Variants in SAR1A observed in about 807,000 individuals in gnomAD.
SAR1A encodes the protein small COPII coat GTPase SAR1A.
Under a neutral mutation model 22.6 loss-of-function variants are expected in SAR1A, and 6 were observed. That is an observed-to-expected ratio of 0.27 (90% CI 0.15 to 0.52). The LOEUF (loss-of-function observed/expected upper bound fraction) is 0.52, where lower values mean the gene tolerates loss of function less well. Ranked by LOEUF, SAR1A falls within the 20% of genes least tolerant of loss-of-function variation. SAR1A has a pLI of 0.96. For synonymous variants in SAR1A, 70 were observed against 82.2 expected (o/e 0.85, Z 0.80); for missense variants, 145 against 245.1 (o/e 0.59, Z 2.73).
At position 70,148,772 on chromosome 10, in the gene SAR1A, AGAGT is replaced by A. The variant is rs1474514778; in HGVS notation, c.*3700_*3703del. ...ACCACTGCACTCCAGCCTGGGCGAC[AGAGT>A]GAGACCAACTCAAAAAACAAACAAA... On this transcript the variant is annotated 3_prime_UTR_variant, in exon 7 of 7. Coordinates refer to ENST00000373241, the MANE Select transcript of SAR1A (RefSeq NM_020150.5). The A allele has an allele frequency of 6.6e-6, 1 of 152,170 alleles. No individual in the cohort carries two copies. Among genetic ancestry groups the A allele is most frequent in the Non-Finnish European group, 1.4e-5 (1 of 69,236 alleles). 9.4% of individuals were successfully genotyped at this position (152,170 alleles called of 1,614,324 possible). A position where few individuals can be genotyped will look rare whatever the true frequency, so the allele number is the denominator to read the frequency against.
intron 4 of SAR1A, among the ~76,000 whole-genome samples, chr10:70,160,477 G>A (rs1839455216): frequency 6.6e-6 from 1 of 152,138 alleles, no homozygotes; most frequent in Non-Finnish European, 1.5e-5. Flanking sequence ...GTAGGGAGGA[G>A]GAGACTAACA....
Position 70,151,896 on chromosome 10 carries a change from C to G in SAR1A, c.*580G>C, listed in dbSNP as rs1206493723. 2 of 161,066 alleles carry G rather than the reference C, an allele frequency of 1.2e-5. No homozygotes were observed. Among genetic ancestry groups the G allele is most frequent in the Non-Finnish European group, 2.7e-5 (2 of 73,532 alleles). The allele number at this position is 161,066 out of a possible 1,614,324, so 10.0% of individuals were successfully genotyped here. A position where few individuals can be genotyped will look rare whatever the true frequency, so the allele number is the denominator to read the frequency against. ...TCTGTGCACAAGGTTATGCCACCTA[C>G]TCCAAGGCAGTCAGAGAGACAGGTG... is the stretch of plus-strand genomic sequence containing the variant. On this transcript the variant is annotated 3_prime_UTR_variant, in exon 7 of 7. Transcript: ENST00000373241.
intron 5 of SAR1A, among the ~76,000 whole-genome samples, chr10:70,154,639 T>A (rs928460963): frequency 3.9e-5 from 6 of 152,146 alleles, no homozygotes; most frequent in African/African-American, 1.4e-4. Context: ...TGTATTTTTT[T>A]AGTAGAGATG....
chr10:70,157,205 C>T (rs976245771), intron 5 of SAR1A, among the ~76,000 whole-genome samples: 1 of 152,046 alleles, frequency 6.6e-6, no homozygotes, highest in Non-Finnish European at 1.5e-5. Context: ...GAGATCAAGA[C>T]CAACCTGACT....
In SAR1A at chr10:70,161,039, G is replaced by C. The variant is rs1328154306; in HGVS notation, c.209C>G (p.Thr70Ser). 3.1e-6 allele frequency: 5 copies of C among 1,611,892 alleles called. No homozygotes were observed. The highest frequency in any genetic ancestry group is 4.2e-6 in the Non-Finnish European group (5 of 1,178,820). Residue 70 changes from threonine (T) to serine (S), a missense_variant, in exon 4 of 7, where the codon ACC (threonine) becomes AGC (serine). Coordinates refer to ENST00000373241, the MANE Select transcript of SAR1A (RefSeq NM_020150.5). ...TSEELTIAGM[T>S]FTTFDLGGHE... Reference sequence around the variant, plus strand: ...CCCACCAAGATCAAAAGTTGTAAAGGTCATTCCAGCAATTGTTAGCTCTTC... The same window carrying C: ...CCCACCAAGATCAAAAGTTGTAAAGCTCATTCCAGCAATTGTTAGCTCTTC...
chr10:70,167,746 GCCA>G, intron 1 of SAR1A, among the ~76,000 whole-genome samples: 1 of 152,286 alleles, frequency 6.6e-6, no homozygotes, highest in East Asian at 1.9e-4. Flanking sequence ...ACCAAAGACA[GCCA>G]AATAAAGTTT....
chr10:70,163,393 T>C (rs575200778), intron 1 of SAR1A, among the ~76,000 whole-genome samples: 1 of 152,282 alleles, frequency 6.6e-6, no homozygotes, highest in East Asian at 1.9e-4. Context: ...AGGACTTTCA[T>C]AGCTAGAGGG....
intron 5 of SAR1A, among the ~76,000 whole-genome samples, chr10:70,157,199 T>C (rs1360627874): frequency 6.6e-6 from 1 of 151,970 alleles, no homozygotes; most frequent in Non-Finnish European, 1.5e-5. Context: ...GGTCAGGAGA[T>C]CAAGACCAAC....
chr10:70,154,017 G>T, intron 5 of SAR1A, 48 bp from the exon 6 acceptor site: 2 of 1,436,516 alleles, frequency 1.4e-6, no homozygotes, highest in Non-Finnish European at 1.9e-6. Flanking sequence ...ATTAAGTGAG[G>T]AATCTACAAA....
At chr10:70,157,937 A>G in intron 4 of SAR1A, 70 bp from the exon 5 acceptor site, 1 of 1,035,698 alleles carries the variant, frequency 9.7e-7, no homozygotes, top group Non-Finnish European at 1.5e-6. Context: ...CTAATGGTCT[A>G]TAAAATGGAC....
intron 1 of SAR1A, among the ~76,000 whole-genome samples, chr10:70,168,896 G>T (rs1839587848): frequency 6.6e-6 from 1 of 152,020 alleles, no homozygotes; most frequent in Non-Finnish European, 1.5e-5. Context: ...TGCCATCATG[G>T]CTCACTGCAG....
chr10:70,157,988 T>A, intron 4 of SAR1A, 121 bp from the exon 5 acceptor site: 1 of 640,962 alleles, frequency 1.6e-6, no homozygotes, highest in Non-Finnish European at 2.7e-6. Flanking sequence ...CTCTATGGAT[T>A]TCTCCAAGTT....
intron 1 of SAR1A, among the ~76,000 whole-genome samples, chr10:70,167,711 T>C (rs911462898): frequency 2.0e-5 from 3 of 152,228 alleles, no homozygotes; most frequent in Non-Finnish European, 4.4e-5. Flanking sequence ...TAGGGCCTAA[T>C]TAATATTTAT....
intron 4 of SAR1A, 115 bp from the exon 5 acceptor site, chr10:70,157,982 A>G (rs1839416400): frequency 4.5e-6 from 3 of 669,206 alleles, no homozygotes; most frequent in Non-Finnish European, 5.1e-6. Flanking sequence ...ATTAGACTCT[A>G]TGGATTTCTC....
At chr10:70,162,018 T>G in intron 1 of SAR1A, 87 bp from the exon 2 acceptor site, 1 of 941,896 alleles carries the variant, frequency 1.1e-6, no homozygotes, top group Non-Finnish European at 1.7e-6. Flanking sequence ...CTAGCCATGA[T>G]GCACATTTAT....
chr10:70,161,129 G>T, intron 3 of SAR1A, 60 bp from the exon 4 acceptor site: 1 of 1,211,322 alleles, frequency 8.3e-7, no homozygotes, highest in Non-Finnish European at 1.2e-6. Context: ...CCAACTACTA[G>T]TACTATAAGC....
chr10:70,157,658 G>A (rs1219838264), intron 5 of SAR1A, 106 bp downstream of exon 5: 14 of 713,784 alleles, frequency 2.0e-5, no homozygotes, highest in Non-Finnish European at 3.3e-5. Context: ...AATGTTAACT[G>A]GAATGACTAA....
At chr10:70,170,214 G>C (rs955065278) in intron 1 of SAR1A, among the ~76,000 whole-genome samples, 199 bp downstream of exon 1, 16 of 152,000 alleles carry the variant, frequency 1.1e-4, no homozygotes, top group Non-Finnish European at 1.8e-4. Context: ...CAGGCAAAGA[G>C]GACAGCAGGG....
chr10:70,154,612 C>T (rs1839365067), intron 5 of SAR1A, among the ~76,000 whole-genome samples: 2 of 152,046 alleles, frequency 1.3e-5, no homozygotes, highest in Admixed American at 6.5e-5. Context: ...CATGTGCTAC[C>T]ACGCCTGGCT....
Sources: allele counts gnomAD v4.1 joint callset (sites outside exome capture counted in the v4.1 genomes callset), GRCh38; gene constraint gnomAD v4.1.1; transcripts MANE v1.5; gene names NCBI Gene and HGNC (gene_info 2026-07-23, HGNC 2026-07-21).